The following MYO3B variants were observed in gnomAD, a reference collection of about 807,000 sequenced individuals.
MYO3B encodes the protein myosin-IIIb.
In MYO3B, 156 loss-of-function variants were observed where a neutral mutation model predicts 174.6. That is an observed-to-expected ratio of 0.89 (90% CI 0.78 to 1.02). The LOEUF (loss-of-function observed/expected upper bound fraction) is 1.02. Among genes scored for constraint, MYO3B ranks in the 50% least tolerant of loss-of-function variants. The pLI is 0.00. For synonymous variants in MYO3B, 563 were observed against 569.1 expected (o/e 0.99, Z 0.15); for missense variants, 1,632 against 1,639.4 (o/e 1.00, Z 0.08).
Position 170,542,976 on chromosome 2 carries a change from T to G in MYO3B, c.3636+10T>G, listed in dbSNP as rs1450377308. The G allele has an allele frequency of 1.2e-6, 2 of 1,606,078 alleles. No homozygotes were observed. Among genetic ancestry groups the G allele is most frequent in the Non-Finnish European group, 8.5e-7 (1 of 1,175,104 alleles). On this transcript the variant is annotated intron_variant, in intron 31 of 34. Transcript: ENST00000408978. Reference sequence around the variant, plus strand: ...AGGACATGCAAACAAGGTAGCTGGATATCTTGATTCCAAAGTAAATGTGTA... The same window carrying G: ...AGGACATGCAAACAAGGTAGCTGGAGATCTTGATTCCAAAGTAAATGTGTA...
At chr2:170,579,337 A>G (rs148476832) in intron 32 of MYO3B, among the ~76,000 whole-genome samples, 369 of 151,878 alleles carry the variant, frequency 2.4e-3, no homozygotes, top group African/African-American at 8.3e-3. Context: ...AAATATAATT[A>G]TATTTCAAAC....
intron 22 of MYO3B, among the ~76,000 whole-genome samples, chr2:170,443,433 C>T (rs1053699784): frequency 1.3e-5 from 2 of 152,108 alleles, no homozygotes; most frequent in African/African-American, 4.8e-5. Context: ...TTCTCCCATT[C>T]TGTAGGTTGC....
intron 8 of MYO3B, chr2:170,338,275 TATA>T (rs2093957951): frequency 6.6e-6 from 1 of 152,194 alleles, no homozygotes; most frequent in East Asian, 1.9e-4. Flanking sequence ...CTGGAAAGTT[TATA>T]ATGAGTCAGG....
chr2:170,493,373 AGCTG>A (rs1485027635), intron 25 of MYO3B, among the ~76,000 whole-genome samples: 1 of 152,170 alleles, frequency 6.6e-6, no homozygotes, highest in Non-Finnish European at 1.5e-5. Context: ...AAACTTCATT[AGCTG>A]GAGTCTTGTC....
chr2:170,187,610 A>G (rs2092482538), intron 1 of MYO3B, among the ~76,000 whole-genome samples: 2 of 152,186 alleles, frequency 1.3e-5, no homozygotes, highest in African/African-American at 4.8e-5. Flanking sequence ...ACTTATAGCT[A>G]TAACCATTCC....
chr2:170,224,483 A>G (rs1028824271), intron 6 of MYO3B, among the ~76,000 whole-genome samples: 1 of 152,212 alleles, frequency 6.6e-6, no homozygotes, highest in Non-Finnish European at 1.5e-5. Flanking sequence ...ACACCAGCTC[A>G]TATAACAAAG....
chr2:170,636,950 T>C (rs1697535558), intron 32 of MYO3B, among the ~76,000 whole-genome samples: 1 of 106,100 alleles, frequency 9.4e-6, no homozygotes, highest in African/African-American at 4.1e-5. Flanking sequence ...AAGCATTTGC[T>C]TTTGTGCGTG....
chr2:170,315,469 C>A (rs1218967750), intron 7 of MYO3B, among the ~76,000 whole-genome samples: 1 of 147,250 alleles, frequency 6.8e-6, no homozygotes, highest in Non-Finnish European at 1.5e-5. Flanking sequence ...CCACACCTAG[C>A]TAATTTTTGT....
intron 23 of MYO3B, among the ~76,000 whole-genome samples, chr2:170,459,405 C>T (rs1684114279): frequency 6.6e-6 from 1 of 152,222 alleles, no homozygotes; most frequent in African/African-American, 2.4e-5. Flanking sequence ...TTTAGCCAAA[C>T]ACAAAGTTCT....
chr2:170,424,642 C>T (rs2094646768), intron 22 of MYO3B, among the ~76,000 whole-genome samples: 1 of 152,046 alleles, frequency 6.6e-6, no homozygotes, highest in Admixed American at 6.6e-5. Context: ...CTAAAACAAA[C>T]TTTAATAATG....
rs141450345 is a variant in MYO3B, at chr2:170,380,594, G to A, written c.972-1422G>A. On this transcript the variant is annotated intron_variant, in intron 9 of 34. Coordinates refer to ENST00000408978, the MANE Select transcript of MYO3B (RefSeq NM_138995.5). ...TGATGAGTTTATGAAAGGAATTACG[G>A]GAAGGCCTACTTTGACCTTGAATTA... Among the ~76,000 whole-genome samples, 1,171 of 152,266 alleles carry A rather than the reference G, an allele frequency of 7.7e-3. 13 individuals are homozygous for A. The highest frequency in any genetic ancestry group is 0.026 in the African/African-American group (1,082 of 41,544).
chr2:170,434,896 G>T (rs553971838), intron 22 of MYO3B, among the ~76,000 whole-genome samples: 2 of 152,208 alleles, frequency 1.3e-5, no homozygotes, highest in Admixed American at 6.5e-5. Context: ...CTGGGCTTAG[G>T]TGATCCTTCC....
chr2:170,252,143 A>G (rs1257325078), intron 7 of MYO3B, among the ~76,000 whole-genome samples: 1 of 152,176 alleles, frequency 6.6e-6, no homozygotes, highest in African/African-American at 2.4e-5. Context: ...TAATGCACTT[A>G]CCTGAAGATC....
chr2:170,290,424 A>T (rs1407071129), intron 7 of MYO3B, among the ~76,000 whole-genome samples: 2 of 152,140 alleles, frequency 1.3e-5, no homozygotes, highest in East Asian at 3.8e-4. Context: ...TTTTATCATT[A>T]TATAGTTACC....
chr2:170,248,808 A>G (rs6745880), intron 7 of MYO3B, among the ~76,000 whole-genome samples: 48,716 of 152,158 alleles, frequency 0.32, 9,804 homozygotes, highest in African/African-American at 0.57. Flanking sequence ...CCATACCTGC[A>G]TATAAACTTA....
rs59253963 is a variant in MYO3B, at chr2:170,545,099, A to T, written c.3733+1111A>T. Among the ~76,000 whole-genome samples the T allele has an allele frequency of 0.024, 3,578 of 152,148 alleles. 530 individuals are homozygous for T. The East Asian group carries it at 0.44, about 19-fold the overall frequency. On this transcript the variant is annotated intron_variant, in intron 32 of 34. Transcript: ENST00000408978. ...TTTGGTTTAAATCTATCATCTTGCT[A>T]TTTATTTTCTATTTGTCCTATCTAG...
chr2:170,231,630 G>A (rs1365124922), intron 6 of MYO3B, among the ~76,000 whole-genome samples: 8 of 152,302 alleles, frequency 5.3e-5, no homozygotes, highest in East Asian at 3.9e-4. Context: ...TTGCTCTGTC[G>A]CTGAAGCTCA....
chr2:170,446,546 G>A (rs886200324), intron 23 of MYO3B, among the ~76,000 whole-genome samples: 3 of 152,170 alleles, frequency 2.0e-5, no homozygotes, highest in African/African-American at 4.8e-5. Flanking sequence ...CTAAAGATTT[G>A]TTTTCACTTA....
chr2:170,637,823 A>G (rs761528127), intron 32 of MYO3B, among the ~76,000 whole-genome samples: 1 of 152,176 alleles, frequency 6.6e-6, no homozygotes, highest in Non-Finnish European at 1.5e-5. Flanking sequence ...TAATGTACTT[A>G]AGAAATTTGT....
Sources: gnomAD v4.1 joint callset for allele counts (sites outside exome capture counted in the v4.1 genomes callset) on GRCh38, gnomAD v4.1.1 for gene constraint, MANE v1.5 for transcripts, NCBI Gene and HGNC (gene_info 2026-07-23, HGNC 2026-07-21) for gene names.